The following KRR1 variants were observed in gnomAD, a reference collection of about 807,000 sequenced individuals.
KRR1 encodes KRR1 small subunit processome component homolog.
Under a neutral mutation model 50.0 loss-of-function variants are expected in KRR1, and 23 were observed. The ratio of observed to expected loss-of-function variants is 0.46; its 90% confidence interval spans 0.33 to 0.65. KRR1 has a LOEUF of 0.65. Among genes scored for constraint, KRR1 ranks in the 30% least tolerant of loss-of-function variants. The pLI, the probability that KRR1 is intolerant of heterozygous loss-of-function variation, is 0.02. For missense variants in KRR1, 419 were observed against 442.4 expected (o/e 0.95, Z 0.47); for synonymous variants, 133 against 146.3 (o/e 0.91, Z 0.66).
rs1050532182 is a variant in KRR1, at chr12:75,503,941, T to C, written c.794A>G (p.Glu265Gly). 6.2e-7 allele frequency: 1 copy of C among 1,612,282 alleles called. No homozygotes were observed. Residue 265 changes from glutamate to glycine, a missense_variant, in exon 7 of 10, where the codon GAA (glutamate) becomes GGA (glycine). By Grantham distance (98) the Glu-to-Gly change is moderately conservative. Coordinates refer to ENST00000229214, the MANE Select transcript of KRR1 (RefSeq NM_007043.7). ...TTGTGGTGGTGGGAATGGCGTATAT[T>C]CTTTCTTAACAGTTTTTTTCTTTGG... Reference protein sequence around the residue: ...KEPKKKTVKKEYTPFPPPQPE... With the variant: ...KEPKKKTVKKGYTPFPPPQPE...
At chr12:75,509,997 A>G (rs2046439885) in intron 1 of KRR1, among the ~76,000 whole-genome samples, 1 of 152,158 alleles carries the variant, frequency 6.6e-6, no homozygotes, top group Non-Finnish European at 1.5e-5. Flanking sequence ...AACTGACAAA[A>G]GAAATACTCA....
rs558638345 is a variant in KRR1, at chr12:75,491,788, T to C, written c.*8021A>G. ...ACCATTTTTCTACTAGATTTTCTTA[T>C]TTATAAAAGTTTTTATATTTTAAAG... is the stretch of plus-strand genomic sequence containing the variant. On this transcript the variant is annotated 3_prime_UTR_variant, in exon 10 of 10. Coordinates refer to ENST00000229214, the MANE Select transcript of KRR1 (RefSeq NM_007043.7). The C allele has an allele frequency of 9.2e-5, 14 of 152,162 alleles. No individual in the cohort carries two copies. Among genetic ancestry groups the C allele is most frequent in the African/African-American group, 2.9e-4 (12 of 41,446 alleles). The allele number at this position is 152,162 out of a possible 1,614,324, so 9.4% of individuals were successfully genotyped here. A position where few individuals can be genotyped will look rare whatever the true frequency, so the allele number is the denominator to read the frequency against.
Position 75,494,043 on chromosome 12 carries a change from T to C in KRR1, c.*5766A>G, listed in dbSNP as rs1227942075. The C allele has an allele frequency of 1.3e-5, 2 of 152,208 alleles. No homozygotes were observed. The highest frequency in any genetic ancestry group is 4.8e-5 in the African/African-American group (2 of 41,462). 9.4% of individuals were successfully genotyped at this position (152,208 alleles called of 1,614,324 possible). ...TGTCTATTTTGGACATCTTTTGAAA[T>C]TGCTATCAGAATTTCTACTATATTA... On this transcript the variant is annotated 3_prime_UTR_variant, in exon 10 of 10. Transcript: ENST00000229214.
chr12:75,505,157 T>C, intron 6 of KRR1, 41 bp downstream of exon 6: 2 of 1,477,394 alleles, frequency 1.4e-6, no homozygotes, highest in Non-Finnish European at 1.8e-6. Flanking sequence ...CTAAAAGAAG[T>C]ATGATAATCA....
Position 75,493,690 on chromosome 12 carries a change from C to T in KRR1, c.*6119G>A, listed in dbSNP as rs2046335433. The stretch of plus-strand genomic sequence containing the variant: ...CCCTGGGTCCCATAACCCCAACCCT[C>T]TTCTCTCTCAGGCTACCAGGGAAAA... On this transcript the variant is annotated 3_prime_UTR_variant, in exon 10 of 10. Transcript: ENST00000229214. The T allele has an allele frequency of 6.6e-6, 1 of 152,248 alleles. No homozygotes were observed. Among genetic ancestry groups the T allele is most frequent in the Non-Finnish European group, 1.5e-5 (1 of 68,096 alleles). 9.4% of individuals were successfully genotyped at this position (152,248 alleles called of 1,614,324 possible). A position where few individuals can be genotyped will look rare whatever the true frequency, so the allele number is the denominator to read the frequency against.
chr12:75,492,918 A>C lies in KRR1; in HGVS notation c.*6891T>G, dbSNP rs2046331248. ...AATAGGCAAGGCCCCTGTTTAGAAT[A>C]ATCAGGGAAGGGCTTCTTGTGTTAT... On this transcript the variant is annotated 3_prime_UTR_variant, in exon 10 of 10. Transcript: ENST00000229214. 6.6e-6 allele frequency: 1 copy of C among 152,202 alleles called. No individual in the cohort carries two copies. The highest frequency in any genetic ancestry group is 2.4e-5 in the African/African-American group (1 of 41,450). 9.4% of individuals were successfully genotyped at this position (152,202 alleles called of 1,614,324 possible).
In KRR1 at chr12:75,498,523, C is replaced by CAAGT; in HGVS notation, c.*1282_*1285dup. On this transcript the variant is annotated 3_prime_UTR_variant, in exon 10 of 10. Coordinates refer to ENST00000229214, the MANE Select transcript of KRR1 (RefSeq NM_007043.7). ...ATGTAAAAAGTCAACTTAAAAATAC[C>CAAGT]AAGTTAATTCAGTCAGTTCAAAAAG... The CAAGT allele has an allele frequency of 1.9e-6, 1 of 528,670 alleles. No individual in the cohort carries two copies. The allele number at this position is 528,670 out of a possible 1,614,324, so 32.7% of individuals were successfully genotyped here. A position where few individuals can be genotyped will look rare whatever the true frequency, so the allele number is the denominator to read the frequency against.
Position 75,499,008 on chromosome 12 carries a change from C to A in KRR1, c.*801G>T. The A allele has an allele frequency of 6.7e-7, 1 of 1,490,612 alleles. No individual in the cohort carries two copies. The highest frequency in any genetic ancestry group is 9.0e-7 in the Non-Finnish European group (1 of 1,115,498). The allele number at this position is 1,490,612 out of a possible 1,614,324, so 92.3% of individuals were successfully genotyped here. A position where few individuals can be genotyped will look rare whatever the true frequency, so the allele number is the denominator to read the frequency against. On this transcript the variant is annotated 3_prime_UTR_variant, in exon 10 of 10. Transcript: ENST00000229214. ...ATTCAGGAAAGAAAAAACCCAAAAACCAACCTCATTCACATATGGCTTTTT... is the reference window on the plus strand; with the variant it reads ...ATTCAGGAAAGAAAAAACCCAAAAAACAACCTCATTCACATATGGCTTTTT...
Position 75,499,202 on chromosome 12 carries a change from T to G in KRR1, c.*607A>C. The G allele has an allele frequency of 2.7e-6, 1 of 367,592 alleles. No individual in the cohort carries two copies. The highest frequency in any genetic ancestry group is 4.8e-6 in the Non-Finnish European group (1 of 206,314). The allele number at this position is 367,592 out of a possible 1,614,324, so 22.8% of individuals were successfully genotyped here. A position where few individuals can be genotyped will look rare whatever the true frequency, so the allele number is the denominator to read the frequency against. Reference sequence around the variant, plus strand: ...CAGGTTGCCACAGGTGGACTTTTAGTAAGTAACCTAACCCATGTTTCAGCT... The same window carrying G: ...CAGGTTGCCACAGGTGGACTTTTAGGAAGTAACCTAACCCATGTTTCAGCT... On this transcript the variant is annotated 3_prime_UTR_variant, in exon 10 of 10. Coordinates refer to ENST00000229214, the MANE Select transcript of KRR1 (RefSeq NM_007043.7).
In KRR1 at chr12:75,511,473, C is replaced by T. The variant is rs1026267480; in HGVS notation, c.85+40G>A. The T allele has an allele frequency of 5.2e-6, 8 of 1,552,482 alleles. No individual in the cohort carries two copies. In the African/African-American group the frequency reaches 8.1e-5, roughly 16 times the overall value. Reference sequence around the variant, plus strand: ...GAAAGAAAAAAACATCGCAACTCAACGTACACAAACCCCAGGCTTCGGTTC... The same window carrying T: ...GAAAGAAAAAAACATCGCAACTCAATGTACACAAACCCCAGGCTTCGGTTC... On this transcript the variant is annotated intron_variant, in intron 1 of 9. Coordinates refer to ENST00000229214, the MANE Select transcript of KRR1 (RefSeq NM_007043.7).
intron 6 of KRR1, among the ~76,000 whole-genome samples, chr12:75,504,822 C>T (rs2046414872): frequency 6.6e-6 from 1 of 151,922 alleles, no homozygotes; most frequent in South Asian, 2.1e-4. Flanking sequence ...TGAGATGTTC[C>T]AGATTTTAAT....
In KRR1 at chr12:75,496,008, TG is replaced by T. The variant is rs1455873473; in HGVS notation, c.*3800del. 5.9e-3 allele frequency: 457 copies of T among 77,740 alleles called. 9 individuals are homozygous for T. Among genetic ancestry groups the T allele is most frequent in the African/African-American group, 0.012 (317 of 25,374 alleles). The allele number at this position is 77,740 out of a possible 1,614,324, so 4.8% of individuals were successfully genotyped here. A position where few individuals can be genotyped will look rare whatever the true frequency, so the allele number is the denominator to read the frequency against. ...AGAATTCTGTTTTCGTTTTTTTTTT[TG>T]TTTTTTTTTTTTGAGACAGAGTCTT... On this transcript the variant is annotated 3_prime_UTR_variant, in exon 10 of 10. Coordinates refer to ENST00000229214, the MANE Select transcript of KRR1 (RefSeq NM_007043.7).
In KRR1 at chr12:75,496,036, C is replaced by T. The variant is rs2046349679; in HGVS notation, c.*3773G>A. ...TTTTTTTTTTTGAGACAGAGTCTTG[C>T]TCTGTCACCCATGCTAGAGTGCAGT... On this transcript the variant is annotated 3_prime_UTR_variant, in exon 10 of 10. Transcript: ENST00000229214. The T allele has an allele frequency of 6.9e-6, 1 of 144,274 alleles. No homozygotes were observed. The highest frequency in any genetic ancestry group is 2.9e-5 in the African/African-American group (1 of 34,494). The allele number at this position is 144,274 out of a possible 1,614,324, so 8.9% of individuals were successfully genotyped here.
rs750354183 is a variant in KRR1 at position 75,498,919 on chromosome 12, T to A, written c.*890A>T. The A allele has an allele frequency of 6.2e-7, 1 of 1,600,078 alleles. No homozygotes were observed. Among genetic ancestry groups the A allele is most frequent in the Middle Eastern group, 1.7e-4 (1 of 6,006 alleles). ...TGTTAATTCAGTAATTCTAATACTG[T>A]CTGTTATAATTACCATTTTGGTACA... is the stretch of plus-strand genomic sequence containing the variant. On this transcript the variant is annotated 3_prime_UTR_variant, in exon 10 of 10. Transcript: ENST00000229214.
chr12:75,496,309 TGTACCA>T lies in KRR1; in HGVS notation c.*3494_*3499del, dbSNP rs2046351493. ...GGTGGAGGTTGCAGTGAGCAGAGATTGTACCACTGCACTCCAGCCTGGGTGACACAG... is the reference window on the plus strand; with the variant it reads ...GGTGGAGGTTGCAGTGAGCAGAGATTCTGCACTCCAGCCTGGGTGACACAG... On this transcript the variant is annotated 3_prime_UTR_variant, in exon 10 of 10. Transcript: ENST00000229214. The T allele has an allele frequency of 6.6e-6, 1 of 151,920 alleles. No homozygotes were observed. Among genetic ancestry groups the T allele is most frequent in the Non-Finnish European group, 1.5e-5 (1 of 68,010 alleles). The allele number at this position is 151,920 out of a possible 1,614,324, so 9.4% of individuals were successfully genotyped here.
chr12:75,510,099 T>C (rs2046440241), intron 1 of KRR1, among the ~76,000 whole-genome samples: 1 of 152,094 alleles, frequency 6.6e-6, no homozygotes, highest in African/African-American at 2.4e-5. Context: ...TGCAACCAAA[T>C]ACCATTTCAT....
Position 75,499,731 on chromosome 12 carries a change from C to A in KRR1, c.*78G>T. ...AAAAAAGCCCTCAGAAAATTTCTCA[C>A]AAATAAGGCAACTAATGCCTGATAT... is the stretch of plus-strand genomic sequence containing the variant. On this transcript the variant is annotated 3_prime_UTR_variant, in exon 10 of 10. Coordinates refer to ENST00000229214, the MANE Select transcript of KRR1 (RefSeq NM_007043.7). 5.4e-6 allele frequency: 6 copies of A among 1,108,226 alleles called. No individual in the cohort carries two copies. The highest frequency in any genetic ancestry group is 2.8e-5 in the East Asian group (1 of 35,948). The allele number at this position is 1,108,226 out of a possible 1,614,324, so 68.6% of individuals were successfully genotyped here.
At chr12:75,508,615 CAAAG>C (rs919952496) in intron 1 of KRR1, among the ~76,000 whole-genome samples, 169 bp from the exon 2 acceptor site, 1 of 152,180 alleles carries the variant, frequency 6.6e-6, no homozygotes, top group African/African-American at 2.4e-5. Context: ...ATTCAAGAGT[CAAAG>C]AACGTTCCTC....
rs186642751 is a variant in KRR1, at chr12:75,495,757, C to A, written c.*4052G>T. 2.8e-6 allele frequency: 2 copies of A among 725,268 alleles called. No individual in the cohort carries two copies. Among genetic ancestry groups the A allele is most frequent in the East Asian group, 2.8e-5 (1 of 36,024 alleles). The allele number at this position is 725,268 out of a possible 1,614,324, so 44.9% of individuals were successfully genotyped here. A position where few individuals can be genotyped will look rare whatever the true frequency, so the allele number is the denominator to read the frequency against. ...ATGAAACCATGTTTTATCTTAACGG[C>A]TATCTTCAAGGAAACTGGCATCAAG... is the stretch of plus-strand genomic sequence containing the variant. On this transcript the variant is annotated 3_prime_UTR_variant, in exon 10 of 10. Transcript: ENST00000229214.
Sources: allele counts gnomAD v4.1 joint callset (sites outside exome capture counted in the v4.1 genomes callset), GRCh38; gene constraint gnomAD v4.1.1; transcripts MANE v1.5; gene names NCBI Gene and HGNC (gene_info 2026-07-23, HGNC 2026-07-21).